CELF4: variants seen among roughly 807,000 people sequenced by gnomAD.
The protein encoded by CELF4 is CUGBP Elav-like family member 4, also known as CUG-BP- and ETR-3-like factor 4.
CELF4 carries 18 observed loss-of-function variants against 59.9 expected under a neutral mutation model. The observed-to-expected ratio is 0.30, with a 90% confidence interval of 0.21 to 0.45. The LOEUF (loss-of-function observed/expected upper bound fraction) is 0.45, where lower values mean the gene tolerates loss of function less well. Among genes scored for constraint, CELF4 ranks in the 20% least tolerant of loss-of-function variants. The pLI, the probability that CELF4 is intolerant of heterozygous loss-of-function variation, is 1.00. For missense variants in CELF4, 456 were observed against 689.0 expected (o/e 0.66, Z 3.79); for synonymous variants, 261 against 267.1 (o/e 0.98, Z 0.22).
intron 1 of CELF4, among the ~76,000 whole-genome samples, chr18:37,538,119 G>A (rs2099975081): frequency 6.6e-6 from 1 of 152,250 alleles, no homozygotes; most frequent in South Asian, 2.1e-4. Flanking sequence ...CCTTCCGGGA[G>A]GCCAGAGGGA....
At chr18:37,395,297 G>C (rs973829768) in intron 2 of CELF4, among the ~76,000 whole-genome samples, 1 of 152,042 alleles carries the variant, frequency 6.6e-6, no homozygotes, top group Non-Finnish European at 1.5e-5. Context: ...ATTTCCTCCT[G>C]CACTACTTCA....
chr18:37,412,689 C>A (rs757304594), intron 2 of CELF4, among the ~76,000 whole-genome samples: 1 of 151,964 alleles, frequency 6.6e-6, no homozygotes, highest in Non-Finnish European at 1.5e-5. Context: ...TGTGTATGGA[C>A]GGGTGAATGA....
At chr18:37,349,329 A>G (rs528108986) in intron 2 of CELF4, among the ~76,000 whole-genome samples, 19 of 152,276 alleles carry the variant, frequency 1.2e-4, no homozygotes, top group African/African-American at 4.3e-4. Context: ...TTGGGGGGAG[A>G]AACTGGAAAC....
chr18:37,249,435 G>A (rs906321251), intron 12 of CELF4, among the ~76,000 whole-genome samples: 1 of 152,108 alleles, frequency 6.6e-6, no homozygotes, highest in Admixed American at 6.5e-5. Flanking sequence ...GAGTGCAACC[G>A]CTTGTCAGGG....
At chr18:37,423,377 G>C (rs1426334975) in intron 2 of CELF4, among the ~76,000 whole-genome samples, 8 of 152,188 alleles carry the variant, frequency 5.3e-5, no homozygotes, top group Admixed American at 5.2e-4. Context: ...CTTTCACATG[G>C]AAAGGAGTCC....
chr18:37,425,996 T>C (rs969846094), intron 2 of CELF4, among the ~76,000 whole-genome samples: 1 of 152,090 alleles, frequency 6.6e-6, no homozygotes, highest in Non-Finnish European at 1.5e-5. Context: ...AACAGGCTCA[T>C]TGGTGGTGAG....
chr18:37,293,597 A>G (rs983250551), intron 3 of CELF4, among the ~76,000 whole-genome samples: 1 of 152,170 alleles, frequency 6.6e-6, no homozygotes, highest in African/African-American at 2.4e-5. Flanking sequence ...GGAGAAGACT[A>G]CTTAACCCAC....
chr18:37,526,827 C>T (rs753166027), intron 1 of CELF4, among the ~76,000 whole-genome samples: 2 of 151,906 alleles, frequency 1.3e-5, no homozygotes, highest in South Asian at 2.1e-4. Flanking sequence ...CCAACTCTGC[C>T]CTTCGTGGGC....
At chr18:37,497,341 A>C (rs1368299625) in intron 1 of CELF4, among the ~76,000 whole-genome samples, 1 of 152,228 alleles carries the variant, frequency 6.6e-6, no homozygotes, top group Non-Finnish European at 1.5e-5. Context: ...GCCATGAAAG[A>C]CATACCCCCT....
At chr18:37,544,316 C>T (rs760630151) in intron 1 of CELF4, among the ~76,000 whole-genome samples, 2 of 152,108 alleles carry the variant, frequency 1.3e-5, no homozygotes, top group East Asian at 1.9e-4. Context: ...AGATTGAGGC[C>T]GACCAGTAGG....
At chr18:37,519,720 G>T (rs1021294904) in intron 1 of CELF4, among the ~76,000 whole-genome samples, 12 of 152,222 alleles carry the variant, frequency 7.9e-5, no homozygotes, top group Admixed American at 6.5e-4. Flanking sequence ...CTGGGCCTTG[G>T]CTCGCATATG....
At chr18:37,385,599 C>T (rs1398412176) in intron 2 of CELF4, among the ~76,000 whole-genome samples, 1 of 152,216 alleles carries the variant, frequency 6.6e-6, no homozygotes, top group Non-Finnish European at 1.5e-5. Context: ...CCCACAATAC[C>T]CTCTTGCCTA....
intron 1 of CELF4, among the ~76,000 whole-genome samples, chr18:37,545,095 G>A (rs542448770): frequency 5.1e-4 from 77 of 152,234 alleles, no homozygotes; most frequent in Non-Finnish European, 9.7e-4. Flanking sequence ...GGAGAGGCTG[G>A]GAAGGGTCAG....
intron 2 of CELF4, among the ~76,000 whole-genome samples, chr18:37,394,491 G>C (rs923617639): frequency 3.3e-5 from 5 of 152,218 alleles, no homozygotes; most frequent in African/African-American, 1.2e-4. Context: ...CGTGTGATGA[G>C]GCAGCGGCCG....
intron 2 of CELF4, among the ~76,000 whole-genome samples, chr18:37,340,378 C>T (rs933188169): frequency 6.6e-6 from 1 of 152,226 alleles, no homozygotes; most frequent in Non-Finnish European, 1.5e-5. Flanking sequence ...CCCAGACCAA[C>T]ATGACAGTGC....
intron 1 of CELF4, among the ~76,000 whole-genome samples, chr18:37,517,040 C>T (rs1313588250): frequency 6.6e-6 from 1 of 152,206 alleles, no homozygotes; most frequent in Non-Finnish European, 1.5e-5. Context: ...TGTGCACATG[C>T]ACATGCATGC....
Position 37,246,003 on chromosome 18 carries a change from G to A in CELF4, c.*45-806C>T, listed in dbSNP as rs2061945157. Among the ~76,000 whole-genome samples the A allele has an allele frequency of 1.3e-5, 2 of 152,136 alleles. No homozygotes were observed. Among genetic ancestry groups the A allele is most frequent in the Non-Finnish European group, 2.9e-5 (2 of 68,040 alleles). On this transcript the variant is annotated intron_variant, in intron 12 of 12. Coordinates refer to ENST00000420428, the MANE Select transcript of CELF4 (RefSeq NM_020180.4). The surrounding 1 kb of genome is among the most constrained non-coding windows in gnomAD (Gnocchi z 5.3). ...GACAGTGCTTGATTTTGTTTTGAATGGTGGCTTTTTGGTGTTTTGTTTTGC... is the reference window on the plus strand; with the variant it reads ...GACAGTGCTTGATTTTGTTTTGAATAGTGGCTTTTTGGTGTTTTGTTTTGC...
chr18:37,322,275 C>A (rs535786117), intron 2 of CELF4, among the ~76,000 whole-genome samples: 4 of 152,236 alleles, frequency 2.6e-5, no homozygotes, highest in Non-Finnish European at 5.9e-5. Context: ...CAAACATCTG[C>A]CTTTATGGAA....
intron 2 of CELF4, among the ~76,000 whole-genome samples, chr18:37,327,263 C>T (rs952709931): frequency 7.2e-5 from 11 of 152,212 alleles, no homozygotes; most frequent in Admixed American, 4.6e-4. Context: ...CCTCCTTTCC[C>T]GAGGACCAGG....
Sources: allele counts gnomAD v4.1 joint callset (sites outside exome capture counted in the v4.1 genomes callset), GRCh38; gene constraint gnomAD v4.1.1; non-coding constraint Gnocchi (gnomAD v3.1); transcripts MANE v1.5; gene names NCBI Gene and HGNC (gene_info 2026-07-23, HGNC 2026-07-21).